PREX1: variants seen among roughly 807,000 people sequenced by gnomAD.
PREX1 encodes the protein phosphatidylinositol 3,4,5-trisphosphate-dependent Rac exchanger 1 protein.
PREX1 carries 41 observed loss-of-function variants against 198.3 expected under a neutral mutation model. The observed-to-expected ratio is 0.21, with a 90% CI of 0.16 to 0.27. The LOEUF (loss-of-function observed/expected upper bound fraction) is 0.27. Among genes scored for constraint, PREX1 ranks in the 10% least tolerant of loss-of-function variants. The probability of loss-of-function intolerance (pLI) is 1.00; values close to 1 mark genes in which losing one functional copy is unlikely to be tolerated. For synonymous variants in PREX1, 843 were observed against 887.2 expected, an observed-to-expected ratio of 0.95 and a Z score of 0.89; for missense variants, 1,620 against 2,200.7, an observed-to-expected ratio of 0.74 and a Z score of 5.28.
rs751716890 is a variant in PREX1, at chr20:48,684,224, C to T, written c.1335-2889G>A. ...AGGCACAAGGAATACATTCTGCAGT[C>T]TTCCTAAGAAAGCCGCCTGAGCTCA... On this transcript the variant is annotated intron_variant, in intron 10 of 39. Coordinates refer to ENST00000371941, the MANE Select transcript of PREX1 (RefSeq NM_020820.4). The surrounding 1 kb of genome is among the most constrained non-coding windows in gnomAD (Gnocchi z 4.2). 8.5e-5 allele frequency among the ~76,000 whole-genome samples: 13 copies of T among 152,186 alleles called. No individual in the cohort carries two copies. Among genetic ancestry groups the T allele is most frequent in the Non-Finnish European group, 1.5e-4 (10 of 68,022 alleles).
chr20:48,719,665 T>G (rs192238451), intron 5 of PREX1, among the ~76,000 whole-genome samples: 5 of 152,072 alleles, frequency 3.3e-5, no homozygotes, highest in Admixed American at 3.3e-4. Flanking sequence ...AAAAGGACAA[T>G]TGTCCAATAG....
intron 1 of PREX1, among the ~76,000 whole-genome samples, chr20:48,807,362 C>T (rs1010360472): frequency 2.6e-5 from 4 of 152,058 alleles, no homozygotes; most frequent in African/African-American, 9.7e-5. Flanking sequence ...AGCAACTTAT[C>T]CCTCCTTAAA....
chr20:48,871,775 G>A, the PREX1 span, among the ~76,000 whole-genome samples: 121 of 131,120 alleles, frequency 9.2e-4, no homozygotes, highest in African/African-American at 3.3e-3. Context: ...ATTGTGCTTG[G>A]TAATCACACC....
intron 1 of PREX1, among the ~76,000 whole-genome samples, chr20:48,818,257 G>A (rs769411902): frequency 6.6e-6 from 1 of 152,196 alleles, no homozygotes; most frequent in Non-Finnish European, 1.5e-5. Context: ...GGGGATGACT[G>A]CATAACTTGG....
At chr20:48,820,737 G>C (rs1220784192) in intron 1 of PREX1, among the ~76,000 whole-genome samples, 1 of 152,168 alleles carries the variant, frequency 6.6e-6, no homozygotes, top group Non-Finnish European at 1.5e-5. Context: ...CTGGCATCTG[G>C]TAGGTAGAGG....
chr20:48,752,115 AC>A (rs1348495159), intron 1 of PREX1, among the ~76,000 whole-genome samples: 10 of 152,122 alleles, frequency 6.6e-5, no homozygotes, highest in African/African-American at 2.4e-4. Flanking sequence ...AGTTCAGTTT[AC>A]CCACAGTACC....
In PREX1 at chr20:48,715,909, G is replaced by A. The variant is rs192047448; in HGVS notation, c.622-7488C>T. Among the ~76,000 whole-genome samples, 228 of 152,240 alleles carry A rather than the reference G, an allele frequency of 1.5e-3. 2 individuals are homozygous for A. Among genetic ancestry groups the A allele is most frequent in the Middle Eastern group, 6.8e-3 (2 of 294 alleles). On this transcript the variant is annotated intron_variant, in intron 5 of 39. Transcript: ENST00000371941. ...CCCACTCTATATATAAGGAAACTGA[G>A]GCACAGAGAGGTTAAAACCCTCTTG...
the PREX1 span, among the ~76,000 whole-genome samples, chr20:48,872,369 G>A: frequency 6.6e-6 from 1 of 152,076 alleles, no homozygotes; most frequent in Non-Finnish European, 1.5e-5. Flanking sequence ...TGTGCAACTA[G>A]ATTGTACACT....
the PREX1 span, among the ~76,000 whole-genome samples, chr20:48,840,349 AAAAAAG>A: frequency 2.0e-5 from 3 of 147,026 alleles, no homozygotes; most frequent in Admixed American, 6.7e-5. Flanking sequence ...CAAAAAAAAA[AAAAAAG>A]AAAAAAAAAA....
At chr20:48,676,388 T>C (rs1049270007) in intron 13 of PREX1, 120 bp from the exon 14 acceptor site, 1 of 891,496 alleles carries the variant, frequency 1.1e-6, no homozygotes, top group Non-Finnish European at 1.8e-6. Context: ...CTCTAGGCAT[T>C]GGGCAGGGGT....
At chr20:48,644,820 C>A (rs1175056953) in intron 26 of PREX1, among the ~76,000 whole-genome samples, 1 of 152,198 alleles carries the variant, frequency 6.6e-6, no homozygotes, top group Non-Finnish European at 1.5e-5. Flanking sequence ...GAGACACCTG[C>A]CCATTCCACA....
At chr20:48,741,739 A>T (rs2090083102) in intron 3 of PREX1, among the ~76,000 whole-genome samples, 1 of 152,246 alleles carries the variant, frequency 6.6e-6, no homozygotes, top group Non-Finnish European at 1.5e-5. Flanking sequence ...ACAGGAGGGC[A>T]TGGAGGCCTT....
rs372384833 is a variant in PREX1, at chr20:48,684,358, T to A, written c.1335-3023A>T. On this transcript the variant is annotated intron_variant, in intron 10 of 39. Transcript: ENST00000371941. The surrounding 1 kb of genome is among the most constrained non-coding windows in gnomAD (Gnocchi z 4.2). ...AGGGACTGGGGGGTACCCAGTGGAA[T>A]ACCCATCCCTGTGACTCCACGGCTC... is the stretch of plus-strand genomic sequence containing the variant. 2.0e-4 allele frequency among the ~76,000 whole-genome samples: 30 copies of A among 152,182 alleles called. No individual in the cohort carries two copies. The highest frequency in any genetic ancestry group is 7.0e-4 in the African/African-American group (29 of 41,530).
At chr20:48,772,148 C>G (rs369203629) in intron 1 of PREX1, among the ~76,000 whole-genome samples, 1 of 152,096 alleles carries the variant, frequency 6.6e-6, no homozygotes, top group South Asian at 2.1e-4. Flanking sequence ...GAGCTGAGAT[C>G]GAGCCACTGC....
At chr20:48,799,922 G>A (rs2090379211) in intron 1 of PREX1, among the ~76,000 whole-genome samples, 1 of 152,152 alleles carries the variant, frequency 6.6e-6, no homozygotes, top group Admixed American at 6.5e-5. Context: ...TCTGCGCCAG[G>A]GGCCAGCAGA....
chr20:48,643,181 T>A (rs1385800342), intron 27 of PREX1, among the ~76,000 whole-genome samples: 2 of 152,128 alleles, frequency 1.3e-5, no homozygotes, highest in African/African-American at 2.4e-5. Context: ...AAGACTAAAA[T>A]AAAAAACAAT....
At chr20:48,882,608 A>C in the PREX1 span, among the ~76,000 whole-genome samples, 2 of 151,452 alleles carry the variant, frequency 1.3e-5, no homozygotes, top group African/African-American at 4.9e-5. Context: ...TAGGAGTAGA[A>C]TTGCTGGGTT....
At chr20:48,887,864 G>A in the PREX1 span, among the ~76,000 whole-genome samples, 4 of 145,612 alleles carry the variant, frequency 2.7e-5, no homozygotes, top group Non-Finnish European at 4.5e-5. Context: ...GCGGGAGAAT[G>A]GCGTAAACCC....
chr20:48,691,943 G>A lies in PREX1; in HGVS notation c.1036+729C>T, dbSNP rs2089821341. On this transcript the variant is annotated intron_variant, in intron 8 of 39. Coordinates refer to ENST00000371941, the MANE Select transcript of PREX1 (RefSeq NM_020820.4). The surrounding 1 kb of genome is among the most constrained non-coding windows in gnomAD (Gnocchi z 5.0). ...GTCGCTCTGTCACCCAGGCTGGAGT[G>A]CACTGGTGAAATCATGGCTCACTGC... Among the ~76,000 whole-genome samples, 2 of 152,226 alleles carry A rather than the reference G, an allele frequency of 1.3e-5. No homozygotes were observed. The highest frequency in any genetic ancestry group is 2.9e-5 in the Non-Finnish European group (2 of 68,020).
Sources: allele counts gnomAD v4.1 joint callset (sites outside exome capture counted in the v4.1 genomes callset), GRCh38; gene constraint gnomAD v4.1.1; non-coding constraint Gnocchi (gnomAD v3.1); transcripts MANE v1.5; gene names NCBI Gene and HGNC (gene_info 2026-07-23, HGNC 2026-07-21).